The following PDE1C variants were observed in gnomAD, a reference collection of about 807,000 sequenced individuals.
The protein encoded by PDE1C is dual specificity calcium/calmodulin-dependent 3',5'-cyclic nucleotide phosphodiesterase 1C.
A neutral mutation model predicts 93.1 loss-of-function variants in PDE1C; 62 were observed. The observed-to-expected ratio is 0.67, with a 90% CI of 0.54 to 0.82. PDE1C has a LOEUF of 0.82. Among genes scored for constraint, PDE1C ranks in the 40% least tolerant of loss-of-function variants. PDE1C has a pLI of 0.00. For synonymous variants in PDE1C, 325 were observed against 310.1 expected (o/e 1.05, Z -0.50); for missense variants, 742 against 884.6 (o/e 0.84, Z 2.04).
chr7:31,838,337 T>C (rs1240591776), intron 9 of PDE1C, among the ~76,000 whole-genome samples: 1 of 152,252 alleles, frequency 6.6e-6, no homozygotes, highest in African/African-American at 2.4e-5. Flanking sequence ...GTATTTCACA[T>C]TGGATACAGG....
chr7:32,267,564 TCTCTCTCTCACACACACACACA>T, intron 1 of PDE1C, among the ~76,000 whole-genome samples: 2 of 121,396 alleles, frequency 1.6e-5, no homozygotes, highest in South Asian at 2.7e-4. Flanking sequence ...AGCCTCTTTC[TCTCTCTCTCACACACACACACA>T]CTCTCTCTCT....
At chr7:32,230,060 G>T (rs1204607108) in intron 1 of PDE1C, among the ~76,000 whole-genome samples, 6 of 152,172 alleles carry the variant, frequency 3.9e-5, no homozygotes, top group Non-Finnish European at 1.5e-5. Context: ...GAATAGAAAA[G>T]AACATTCCTC....
intron 1 of PDE1C, among the ~76,000 whole-genome samples, chr7:32,242,744 T>C (rs528207000): frequency 2.4e-4 from 36 of 152,288 alleles, no homozygotes; most frequent in Admixed American, 1.8e-3. Flanking sequence ...GAAGTTCATC[T>C]ATGAGCCTCT....
At chr7:32,004,092 A>G (rs1785846396) in intron 2 of PDE1C, among the ~76,000 whole-genome samples, 1 of 152,120 alleles carries the variant, frequency 6.6e-6, no homozygotes, top group South Asian at 2.1e-4. Context: ...AGCCACAGCC[A>G]AGACAGGTAA....
chr7:32,142,959 G>A (rs1800622897), intron 3 of PDE1C, among the ~76,000 whole-genome samples: 1 of 151,994 alleles, frequency 6.6e-6, no homozygotes. Context: ...CAGTTCAACT[G>A]GCAAATAGCT....
the PDE1C span, chr7:31,707,540 T>C: frequency 2.3e-6 from 1 of 431,306 alleles, no homozygotes. Flanking sequence ...TCATCCTAAA[T>C]GAGGAGGTAA....
At chr7:31,769,410 T>G (rs1417052007) in intron 17 of PDE1C, among the ~76,000 whole-genome samples, 1 of 152,222 alleles carries the variant, frequency 6.6e-6, no homozygotes, top group Non-Finnish European at 1.5e-5. Flanking sequence ...GGTATGAATT[T>G]GTTTTTGTTT....
chr7:32,405,879 G>T (rs538368196), intron 1 of PDE1C, among the ~76,000 whole-genome samples: 17 of 152,250 alleles, frequency 1.1e-4, no homozygotes, highest in Admixed American at 1.0e-3. Context: ...CACTATAAAG[G>T]TTGGATGGAA....
At chr7:31,745,134 ATTGATT>A in the PDE1C span, among the ~76,000 whole-genome samples, 99 of 152,330 alleles carry the variant, frequency 6.5e-4, 1 homozygote, top group African/African-American at 2.2e-3. Context: ...ATGGATGCTA[ATTGATT>A]TTAACAGAAT....
At chr7:32,405,112 C>T (rs1785025372) in intron 1 of PDE1C, among the ~76,000 whole-genome samples, 1 of 152,160 alleles carries the variant, frequency 6.6e-6, no homozygotes, top group Non-Finnish European at 1.5e-5. Flanking sequence ...TTCTGTTGTA[C>T]AGTATCATTC....
the PDE1C span, among the ~76,000 whole-genome samples, chr7:31,638,067 A>T: frequency 3.3e-5 from 5 of 152,286 alleles, no homozygotes; most frequent in South Asian, 1.0e-3. Context: ...AGGGGCTCCC[A>T]CCAAAGTGTG....
chr7:31,642,671 T>C, the PDE1C span: 4 of 1,610,340 alleles, frequency 2.5e-6, no homozygotes. Flanking sequence ...TTGTCCTGGT[T>C]TCCCCTACAG....
At chr7:32,052,365 G>C (rs765801678) in intron 1 of PDE1C, 1 of 467,414 alleles carries the variant, frequency 2.1e-6, no homozygotes, top group Non-Finnish European at 4.3e-6. Flanking sequence ...TCTCACCTAG[G>C]TCAGAGTGGC....
At chr7:31,738,389 G>A in the PDE1C span, among the ~76,000 whole-genome samples, 5 of 152,322 alleles carry the variant, frequency 3.3e-5, no homozygotes, top group South Asian at 6.2e-4. Context: ...AGGCAAGAGC[G>A]CTTGCGCAGG....
intron 3 of PDE1C, among the ~76,000 whole-genome samples, chr7:32,094,142 A>G (rs968805491): frequency 1.3e-5 from 2 of 152,052 alleles, no homozygotes; most frequent in East Asian, 1.9e-4. Context: ...GGGGGAAGAA[A>G]CTCTTATTTG....
intron 1 of PDE1C, among the ~76,000 whole-genome samples, chr7:32,331,261 C>A (rs1783509190): frequency 6.6e-6 from 1 of 152,166 alleles, no homozygotes; most frequent in Non-Finnish European, 1.5e-5. Flanking sequence ...GGCACTGAGA[C>A]AGTGATTCAG....
At chr7:31,733,653 A>G in the PDE1C span, among the ~76,000 whole-genome samples, 1 of 152,186 alleles carries the variant, frequency 6.6e-6, no homozygotes, top group Non-Finnish European at 1.5e-5. Context: ...ACTACATTAC[A>G]TGCCTTCATC....
intron 2 of PDE1C, among the ~76,000 whole-genome samples, chr7:32,197,505 C>T (rs1804703074): frequency 6.6e-6 from 1 of 152,030 alleles, no homozygotes; most frequent in African/African-American, 2.4e-5. Flanking sequence ...TACAAATATC[C>T]ATAGCAACAT....
chr7:31,643,316 T>G, the PDE1C span: 1 of 1,613,888 alleles, frequency 6.2e-7, no homozygotes, highest in African/African-American at 1.3e-5. Flanking sequence ...CACAGTGAAA[T>G]CACACCTTAT....
Sources: allele counts gnomAD v4.1 joint callset (sites outside exome capture counted in the v4.1 genomes callset), GRCh38; gene constraint gnomAD v4.1.1; transcripts MANE v1.5; gene names NCBI Gene and HGNC (gene_info 2026-07-23, HGNC 2026-07-21).